The following DMD variants were observed in gnomAD, a reference collection of about 807,000 sequenced individuals.
DMD encodes the protein mutant dystrophin.
In DMD, 63 loss-of-function variants were observed where a neutral mutation model predicts 330.1. That is an observed-to-expected ratio of 0.19 (90% CI 0.16 to 0.24). The LOEUF is 0.24. DMD is among the 10% of genes least tolerant of loss of function. The pLI is 1.00. For synonymous variants in DMD, 1,223 were observed against 959.8 expected (o/e 1.27, Z -5.07); for missense variants, 3,344 against 2,684.1 (o/e 1.25, Z -5.43).
intron 2 of DMD, among the ~76,000 whole-genome samples, chrX:32,960,665 C>A (rs754917106): frequency 9.0e-6 from 1 of 111,323 alleles, no homozygotes; most frequent in South Asian, 3.8e-4. Context: ...CTACACAAAT[C>A]AAAGTTCAGT....
At chrX:32,939,985 A>G (rs371163364) in intron 2 of DMD, among the ~76,000 whole-genome samples, 22 of 111,718 alleles carry the variant, frequency 2.0e-4, no homozygotes, top group African/African-American at 7.1e-4. Context: ...TGTTATTCCT[A>G]TCAAACCACT....
At chrX:32,498,450 C>A in intron 19 of DMD, among the ~76,000 whole-genome samples, 1 of 110,382 alleles carries the variant, frequency 9.1e-6, no homozygotes. Flanking sequence ...CTTTTAGTAG[C>A]TTCTCTTTTT....
intron 55 of DMD, among the ~76,000 whole-genome samples, chrX:31,508,643 C>T (rs2147190222): frequency 8.9e-6 from 1 of 112,069 alleles, no homozygotes; most frequent in Non-Finnish European, 1.9e-5. Flanking sequence ...ACCAGCATTC[C>T]TTTCTGCCTA....
chrX:31,803,846 T>A (rs2092189143), intron 50 of DMD, among the ~76,000 whole-genome samples: 1 of 110,341 alleles, frequency 9.1e-6, no homozygotes. Flanking sequence ...ATTACAGGCA[T>A]GCGCCACCAT....
At chrX:33,319,112 A>G (rs953478048) in intron 1 of DMD, among the ~76,000 whole-genome samples, 2 of 110,262 alleles carry the variant, frequency 1.8e-5, no homozygotes, top group Non-Finnish European at 3.8e-5. Context: ...TCTAGTAGCT[A>G]GGAAACGGTC....
chrX:31,566,809 T>C (rs2147898229), intron 55 of DMD, among the ~76,000 whole-genome samples: 1 of 112,258 alleles, frequency 8.9e-6, no homozygotes, highest in African/African-American at 3.2e-5. Context: ...ACCGATCCTG[T>C]ACATGTATGA....
At chrX:31,547,096 T>C (rs2074186599) in intron 55 of DMD, among the ~76,000 whole-genome samples, 1 of 112,439 alleles carries the variant, frequency 8.9e-6, no homozygotes, top group Non-Finnish European at 1.9e-5. Context: ...TGGAATTAAT[T>C]TATTCCAAGA....
In DMD at chrX:33,188,733, C is replaced by T. The variant is rs375190958; in HGVS notation, c.31+22549G>A. ...CCAAATTCGTCTGTTGAAGTCCTAA[C>T]CCCCATTGTCTCAGAATGTGACTGT... On this transcript the variant is annotated intron_variant, in intron 1 of 78. Coordinates refer to ENST00000357033, the MANE Select transcript of DMD (RefSeq NM_004006.3). Among the ~76,000 whole-genome samples, 37 of 112,058 alleles carry T rather than the reference C, an allele frequency of 3.3e-4. 1 individual carries two copies. In the South Asian group the frequency reaches 5.2e-3, roughly 16 times the overall value.
chrX:31,528,473 G>C (rs1603313549), intron 55 of DMD, among the ~76,000 whole-genome samples: 1 of 112,216 alleles, frequency 8.9e-6, no homozygotes, highest in East Asian at 2.8e-4. Flanking sequence ...ATGGAGGGGT[G>C]GAGGGATACT....
intron 13 of DMD, among the ~76,000 whole-genome samples, chrX:32,580,138 T>C (rs1369190144): frequency 9.0e-6 from 1 of 111,017 alleles, no homozygotes; most frequent in Non-Finnish European, 1.9e-5. Flanking sequence ...CAGTGTTCCT[T>C]CCAGCATTCA....
At chrX:31,778,565 A>ATTTTTTTT (rs36164865) in intron 50 of DMD, among the ~76,000 whole-genome samples, 8 of 63,045 alleles carry the variant, frequency 1.3e-4, no homozygotes, top group East Asian at 1.2e-3. Context: ...AAGTCCTGAA[A>ATTTTTTTT]TTTTTTTTTT....
chrX:32,560,041 G>C (rs1209551382), intron 16 of DMD, among the ~76,000 whole-genome samples: 1 of 109,707 alleles, frequency 9.1e-6, no homozygotes, highest in African/African-American at 3.3e-5. Flanking sequence ...TGCAAAAATT[G>C]TTGTTAGCAA....
At chrX:31,919,399 A>G (rs1401572775) in intron 47 of DMD, among the ~76,000 whole-genome samples, 1 of 112,540 alleles carries the variant, frequency 8.9e-6, no homozygotes, top group East Asian at 2.8e-4. Flanking sequence ...TCACAAAAAA[A>G]TATTTTTAGA....
chrX:32,195,384 G>A (rs1603628054), intron 44 of DMD, among the ~76,000 whole-genome samples: 1 of 111,512 alleles, frequency 9.0e-6, no homozygotes, highest in Non-Finnish European at 1.9e-5. Flanking sequence ...AGTTAAGTCC[G>A]TAGAAATGGA....
intron 44 of DMD, among the ~76,000 whole-genome samples, chrX:32,031,077 A>G (rs936019592): frequency 3.6e-5 from 4 of 111,277 alleles, no homozygotes; most frequent in Non-Finnish European, 7.5e-5. Context: ...AAAACAGTAA[A>G]CAAAGGGATT....
chrX:33,208,925 A>G (rs1290081685), intron 1 of DMD, among the ~76,000 whole-genome samples: 3 of 111,519 alleles, frequency 2.7e-5, no homozygotes, highest in African/African-American at 9.7e-5. Flanking sequence ...TGTTTCCAAG[A>G]CAATGATTTT....
At chrX:33,275,011 T>C (rs1028894643) in intron 1 of DMD, among the ~76,000 whole-genome samples, 1 of 111,638 alleles carries the variant, frequency 9.0e-6, no homozygotes, top group Non-Finnish European at 1.9e-5. Context: ...GTTTATGCTC[T>C]CCCGCACAAT....
At chrX:32,302,903 G>T (rs1449658351) in intron 42 of DMD, among the ~76,000 whole-genome samples, 1 of 110,794 alleles carries the variant, frequency 9.0e-6, no homozygotes, top group African/African-American at 3.3e-5. Context: ...ACTTGCCCAA[G>T]GGTACAACTA....
chrX:32,076,052 CAAAAAAAAAAAAAAAAAAA>C (rs59686294), intron 44 of DMD, among the ~76,000 whole-genome samples: 143 of 18,769 alleles, frequency 7.6e-3, no homozygotes, highest in African/African-American at 0.021. Context: ...GACTCTGTCT[CAAAAAAAAAAAAAAAAAAA>C]AAAAAAAAAA....
Sources: allele counts gnomAD v4.1 joint callset (sites outside exome capture counted in the v4.1 genomes callset), GRCh38; gene constraint gnomAD v4.1.1; transcripts MANE v1.5; gene names NCBI Gene and HGNC (gene_info 2026-07-23, HGNC 2026-07-21).